PHLDB1: variants seen among roughly 807,000 people sequenced by gnomAD.
The protein encoded by PHLDB1 is pleckstrin homology-like domain family B member 1.
A neutral mutation model predicts 139.3 loss-of-function variants in PHLDB1; 65 were observed. The ratio of observed to expected loss-of-function variants is 0.47; its 90% CI spans 0.38 to 0.57. PHLDB1 has a LOEUF of 0.57. PHLDB1 is among the 20% of genes least tolerant of loss of function. The pLI is 0.00. For missense variants in PHLDB1, 1,624 were observed against 1,839.7 expected, an observed-to-expected ratio of 0.88 and a Z score of 2.14; for synonymous variants, 679 against 734.5, an observed-to-expected ratio of 0.92 and a Z score of 1.22.
rs543913022 is a variant in PHLDB1 at position 118,610,018 on chromosome 11, C to T, written c.-22+2319C>T. Reference sequence around the variant, plus strand: ...CTCCCTCTCCTTCGCCCCATCTCCCCGCCCGTCAGCCTCCCCTCCGCTGCC... The same window carrying T: ...CTCCCTCTCCTTCGCCCCATCTCCCTGCCCGTCAGCCTCCCCTCCGCTGCC... On this transcript the variant is annotated intron_variant, in intron 1 of 22. Coordinates refer to ENST00000600882, the MANE Select transcript of PHLDB1 (RefSeq NM_001144758.3). The surrounding 1 kb of genome is among the most constrained non-coding windows in gnomAD (Gnocchi z 8.7). 1.3e-5 allele frequency among the ~76,000 whole-genome samples: 2 copies of T among 152,116 alleles called. No homozygotes were observed. The highest frequency in any genetic ancestry group is 2.1e-4 in the South Asian group (1 of 4,812).
Position 118,656,747 on chromosome 11 carries a change from C to T in PHLDB1, c.4058C>T (p.Pro1353Leu), listed in dbSNP as rs782812579. The change falls in exon 23 of 23, where the codon CCA becomes CTA. Residue 1353 changes from proline to leucine, a missense_variant. Pro to Leu is a moderately conservative substitution (Grantham distance 98, BLOSUM62 -3). Transcript: ENST00000600882. ...THDRLYYMVA[P>L]SAEAMRIWMD... is the part of the protein sequence containing the mutation. ...GACCGGCTGTACTACATGGTGGCCC[C>T]ATCTGCAGAGGCCATGCGTATCTGG... The T allele has an allele frequency of 6.2e-7, 1 of 1,613,880 alleles. No homozygotes were observed. Among genetic ancestry groups the T allele is most frequent in the African/African-American group, 1.3e-5 (1 of 74,922 alleles).
rs562347234 is a variant in PHLDB1, at chr11:118,609,192, C to A, written c.-22+1493C>A. On this transcript the variant is annotated intron_variant, in intron 1 of 22. Coordinates refer to ENST00000600882, the MANE Select transcript of PHLDB1 (RefSeq NM_001144758.3). Reference sequence around the variant, plus strand: ...CCCGTCACACACACAGCCCAGCTCACACACACAGCCCCAGTTATACACACA... The same window carrying A: ...CCCGTCACACACACAGCCCAGCTCAAACACACAGCCCCAGTTATACACACA... Among the ~76,000 whole-genome samples the A allele has an allele frequency of 4.5e-4, 65 of 145,590 alleles. 1 individual carries two copies. The highest frequency in any genetic ancestry group is 1.7e-3 in the African/African-American group (65 of 39,074).
At chr11:118,607,557 A>AG (rs1939376505), upstream of PHLDB1, 1 of 7,772 alleles carries the variant, frequency 1.3e-4, no homozygotes, top group African/African-American at 5.0e-4. Flanking sequence ...GACTGGCGGG[A>AG]GGGGGGCGGG....
intron 12 of PHLDB1, chr11:118,641,955 G>A: frequency 1.9e-6 from 1 of 538,674 alleles, no homozygotes. Flanking sequence ...CATGTCTGTG[G>A]TCTGGAAGTT....
intron 18 of PHLDB1, among the ~76,000 whole-genome samples, chr11:118,649,416 G>C (rs1948039234): frequency 6.6e-6 from 1 of 152,184 alleles, no homozygotes; most frequent in Non-Finnish European, 1.5e-5. Flanking sequence ...CCTGTCCTGG[G>C]GCTCAGGCAT....
Position 118,610,545 on chromosome 11 carries a change from C to T in PHLDB1, c.-22+2846C>T, listed in dbSNP as rs2135625174. The T allele has an allele frequency of 3.3e-6, 3 of 922,914 alleles. No individual in the cohort carries two copies. In the South Asian group the frequency reaches 1.5e-4, roughly 46 times the overall value. 57.2% of individuals were successfully genotyped at this position (922,914 alleles called of 1,614,324 possible). On this transcript the variant is annotated intron_variant, in intron 1 of 22. Coordinates refer to ENST00000600882, the MANE Select transcript of PHLDB1 (RefSeq NM_001144758.3). The surrounding 1 kb of genome is among the most constrained non-coding windows in gnomAD (Gnocchi z 8.7). ...GACACAGGTGAGGCCGGGCGACCCG[C>T]GGGGCTCCGGGGAGCGCCCGAGCAG...
intron 18 of PHLDB1, among the ~76,000 whole-genome samples, chr11:118,649,704 A>C (rs1948084574): frequency 6.6e-6 from 1 of 152,194 alleles, no homozygotes; most frequent in Admixed American, 6.5e-5. Flanking sequence ...ACAAGGTCCC[A>C]TGCGAAGTCA....
chr11:118,648,331 G>GTGTGTGTGTGT (rs1555132234), intron 18 of PHLDB1, among the ~76,000 whole-genome samples: 1 of 148,748 alleles, frequency 6.7e-6, no homozygotes, highest in African/African-American at 2.5e-5. Flanking sequence ...GTGTTTGTGT[G>GTGTGTGTGTGT]CTGGGGTAGT....
chr11:118,607,520 G>A (rs1335842338), upstream of PHLDB1: 1 of 139,564 alleles, frequency 7.2e-6, no homozygotes, highest in Admixed American at 7.1e-5. Context: ...GGCTGGCCAG[G>A]CGGACGGGAC....
rs1423086717 is a variant in PHLDB1, at chr11:118,642,265, G to A, written c.2748G>A (p.Leu916=). Reference sequence around the variant, plus strand: ...ATTCCCACCTCCAGATGGAGAAGCTGCTGCTCCCTGCTGTAGACTTAGAGC... The same window carrying A: ...ATTCCCACCTCCAGATGGAGAAGCTACTGCTCCCTGCTGTAGACTTAGAGC... The part of the protein sequence containing the change: ...TTSTLKEMEK[L]LLPAVDLEQW... The change falls in exon 13 of 23, where the codon CTG becomes CTA. Residue 916 remains leucine (L), a synonymous_variant. Transcript: ENST00000600882. The A allele has an allele frequency of 6.2e-7, 1 of 1,612,388 alleles. No individual in the cohort carries two copies. Among genetic ancestry groups the A allele is most frequent in the African/African-American group, 1.3e-5 (1 of 74,752 alleles).
chr11:118,616,011 C>G (rs782157116), intron 3 of PHLDB1, 30 bp from the exon 4 acceptor site: 2 of 1,591,476 alleles, frequency 1.3e-6, no homozygotes, highest in African/African-American at 2.7e-5. Flanking sequence ...CTGGACAACC[C>G]CTCTGATTCA....
intron 6 of PHLDB1, chr11:118,629,931 G>C (rs921290050): frequency 2.7e-6 from 3 of 1,092,884 alleles, no homozygotes; most frequent in South Asian, 1.3e-5. Context: ...GAGGCTGCCC[G>C]CCCTGCCCCT....
chr11:118,641,902 C>A, intron 12 of PHLDB1: 1 of 715,582 alleles, frequency 1.4e-6, no homozygotes, highest in Non-Finnish European at 2.0e-6. Context: ...TGCCCAGTGC[C>A]TGCAGGCTCT....
chr11:118,616,012 C>T, intron 3 of PHLDB1, 29 bp from the exon 4 acceptor site: 1 of 1,597,632 alleles, frequency 6.3e-7, no homozygotes, highest in Non-Finnish European at 8.6e-7. Context: ...TGGACAACCC[C>T]TCTGATTCAG....
chr11:118,652,864 G>T (rs1411886242), intron 20 of PHLDB1: 1 of 152,374 alleles, frequency 6.6e-6, no homozygotes. Flanking sequence ...AGCGCCTGTG[G>T]AACAAAAGGA....
chr11:118,639,788 C>T, intron 12 of PHLDB1: 2 of 207,160 alleles, frequency 9.7e-6, no homozygotes, highest in Non-Finnish European at 7.6e-6. Context: ...ACTACACAAA[C>T]AATTTAGGCC....
At chr11:118,625,728 G>A (rs1048218785) in intron 5 of PHLDB1, among the ~76,000 whole-genome samples, 1 of 152,206 alleles carries the variant, frequency 6.6e-6, no homozygotes, top group Non-Finnish European at 1.5e-5. Flanking sequence ...GGTACACCTA[G>A]TGGGGTGGTA....
At chr11:118,644,524 ACCCAGGAGT>A in intron 15 of PHLDB1, 1 of 500,886 alleles carries the variant, frequency 2.0e-6, no homozygotes, top group South Asian at 2.0e-5. Context: ...GGCTCTGGGG[ACCCAGGAGT>A]CCTTGTTGCT....
Position 118,628,205 on chromosome 11 carries a change from G to A in PHLDB1, c.1382G>A (p.Ser461Asn). 1 of 1,614,078 alleles carries A rather than the reference G, an allele frequency of 6.2e-7. No homozygotes were observed. Among genetic ancestry groups the A allele is most frequent in the Non-Finnish European group, 8.5e-7 (1 of 1,179,980 alleles). The change falls in exon 6 of 23, where the codon AGT becomes AAT. Residue 461 changes from serine to asparagine, a missense_variant. Coordinates refer to ENST00000600882, the MANE Select transcript of PHLDB1 (RefSeq NM_001144758.3). Reference protein sequence around the residue: ...LDSMRELPPLSPSLSRRALSP... With the variant: ...LDSMRELPPLNPSLSRRALSP... ...AGTATGCGAGAACTACCCCCCTTAAGTCCATCTCTGTCCCGGCGAGCTCTC... is the reference window on the plus strand; with the variant it reads ...AGTATGCGAGAACTACCCCCCTTAAATCCATCTCTGTCCCGGCGAGCTCTC...
Sources: allele counts gnomAD v4.1 joint callset (sites outside exome capture counted in the v4.1 genomes callset), GRCh38; gene constraint gnomAD v4.1.1; non-coding constraint Gnocchi (gnomAD v3.1); transcripts MANE v1.5; gene names NCBI Gene and HGNC (gene_info 2026-07-23, HGNC 2026-07-21).